PPA1: variants seen among roughly 807,000 people sequenced by gnomAD.
PPA1 encodes inorganic pyrophosphatase.
PPA1 carries 23 observed loss-of-function variants against 41.8 expected under a neutral mutation model. The ratio of observed to expected loss-of-function variants is 0.55; its 90% confidence interval spans 0.40 to 0.78. PPA1 has a LOEUF of 0.78. Ranked by LOEUF, PPA1 falls within the 30% of genes least tolerant of loss-of-function variation. PPA1 has a pLI of 0.00. For missense variants in PPA1, 320 were observed against 361.6 expected, an observed-to-expected ratio of 0.89 and a Z score of 0.93; for synonymous variants, 101 against 116.8, an observed-to-expected ratio of 0.86 and a Z score of 0.87.
intron 4 of PPA1, among the ~76,000 whole-genome samples, chr10:70,215,204 A>G (rs1040489683): frequency 6.6e-6 from 1 of 152,166 alleles, no homozygotes; most frequent in African/African-American, 2.4e-5. Flanking sequence ...CAAAAAAACA[A>G]AACAAAACAA....
In PPA1 at chr10:70,217,864, G is replaced by T. The variant is rs146426252; in HGVS notation, c.245C>A (p.Ala82Glu). ...DVKKGKLRYV[A>E]NLFPYKGYIW... ...ATATCCTTTATACGGGAACAAATTCGCAACATAGCGAAGTTTTCCTTTTTT... is the reference window on the plus strand; with the variant it reads ...ATATCCTTTATACGGGAACAAATTCTCAACATAGCGAAGTTTTCCTTTTTT... Residue 82 changes from alanine to glutamate, a missense_variant, in exon 4 of 11, where the codon GCG (alanine) becomes GAG (glutamate). Physicochemically the swap from Ala to Glu is moderately radical, Grantham distance 107. Transcript: ENST00000373232. 6.2e-7 allele frequency: 1 copy of T among 1,606,112 alleles called. No individual in the cohort carries two copies. The highest frequency in any genetic ancestry group is 1.1e-5 in the South Asian group (1 of 90,068).
chr10:70,208,589 A>G (rs1023154260), intron 8 of PPA1, among the ~76,000 whole-genome samples: 3 of 152,000 alleles, frequency 2.0e-5, no homozygotes, highest in Non-Finnish European at 2.9e-5. Flanking sequence ...TCAGCCTCCT[A>G]AAGTGCTGGA....
chr10:70,230,480 GA>G, intron 1 of PPA1, 81 bp from the exon 2 acceptor site: 1 of 1,367,390 alleles, frequency 7.3e-7, no homozygotes, highest in African/African-American at 1.5e-5. Flanking sequence ...TTTTTTCTGA[GA>G]TAAGGTCCCT....
chr10:70,206,001 T>G, intron 9 of PPA1: 1 of 430,014 alleles, frequency 2.3e-6, no homozygotes. Flanking sequence ...ACTTGGTACA[T>G]TCTGGAACCA....
Position 70,213,494 on chromosome 10 carries a change from A to T in PPA1, c.480T>A (p.Asn160Lys). 6.2e-7 allele frequency: 1 copy of T among 1,614,086 alleles called. No individual in the cohort carries two copies. The highest frequency in any genetic ancestry group is 8.5e-7 in the Non-Finnish European group (1 of 1,179,948). The change falls in exon 6 of 11, where the codon AAT becomes AAA. Residue 160 changes from asparagine to lysine, a missense_variant. Physicochemically the swap from Asn to Lys is moderately conservative, Grantham distance 94. Coordinates refer to ENST00000373232, the MANE Select transcript of PPA1 (RefSeq NM_021129.4). ...AATTGGCTGCATCAGGATCATCCAC[A>T]TTAATGGCAATGACTTTCCAGTCGG... Reference protein sequence around the residue: ...GETDWKVIAINVDDPDAANYN... With the variant: ...GETDWKVIAIKVDDPDAANYN...
chr10:70,205,017 AT>A, intron 9 of PPA1, 102 bp from the exon 10 acceptor site: 1 of 814,632 alleles, frequency 1.2e-6, no homozygotes, highest in Non-Finnish European at 2.0e-6. Context: ...ACTATCCCAA[AT>A]TTTAGGATCT....
At chr10:70,216,394 A>G (rs1219683826) in intron 4 of PPA1, among the ~76,000 whole-genome samples, 3 of 151,922 alleles carry the variant, frequency 2.0e-5, no homozygotes, top group Non-Finnish European at 4.4e-5. Context: ...GGCTGAGACA[A>G]GAGAATCACT....
Position 70,230,364 on chromosome 10 carries a change from CATGAA to C in PPA1, c.95_99del (p.Phe32Ter). 1 of 1,613,138 alleles carries C rather than the reference CATGAA, an allele frequency of 6.2e-7. No individual in the cohort carries two copies. The highest frequency in any genetic ancestry group is 8.5e-7 in the Non-Finnish European group (1 of 1,179,526). On this transcript the variant is annotated frameshift_variant, in exon 2 of 11. Transcript: ENST00000373232. LOFTEE classifies it high-confidence loss of function. ...ACCTTATCTGCATAAATTGGAATAT[CATGAA>C]ATGGAGATATATATTGTCCTTTCTC...
chr10:70,232,783 G>A (rs1190544852), intron 1 of PPA1, among the ~76,000 whole-genome samples: 1 of 152,158 alleles, frequency 6.6e-6, no homozygotes, highest in East Asian at 1.9e-4. Flanking sequence ...AAACGAGGGG[G>A]TGGACTTGGC....
chr10:70,226,374 G>C (rs999281493), intron 2 of PPA1, among the ~76,000 whole-genome samples: 10 of 151,950 alleles, frequency 6.6e-5, no homozygotes, highest in Admixed American at 6.6e-4. Flanking sequence ...AGGAGTTCGA[G>C]ACCAGCGAAA....
Position 70,206,263 on chromosome 10 carries a change from C to CA in PPA1, c.795dup (p.Leu266PhefsTer6), listed in dbSNP as rs1316771692. 1 of 1,607,776 alleles carries CA rather than the reference C, an allele frequency of 6.2e-7. No individual in the cohort carries two copies. Among genetic ancestry groups the CA allele is most frequent in the African/African-American group, 1.3e-5 (1 of 74,790 alleles). On this transcript the variant is annotated frameshift_variant and splice_region_variant. Coordinates refer to ENST00000373232, the MANE Select transcript of PPA1 (RefSeq NM_021129.4). LOFTEE classifies it high-confidence loss of function. ...TTTTTTTTAAGGAAACTTTTACATA[C>CA]AGCATCCACAATGGCTCTGGCAGCA...
At chr10:70,217,009 CAA>C (rs1330351666) in intron 4 of PPA1, among the ~76,000 whole-genome samples, 1 of 151,840 alleles carries the variant, frequency 6.6e-6, no homozygotes, top group African/African-American at 2.4e-5. Flanking sequence ...CACTAAACTG[CAA>C]AAAATTAGGT....
At chr10:70,216,297 C>T (rs1224849169) in intron 4 of PPA1, among the ~76,000 whole-genome samples, 2 of 151,774 alleles carry the variant, frequency 1.3e-5, no homozygotes, top group Admixed American at 6.6e-5. Context: ...ACCAGCCTGG[C>T]CAATACAGTG....
Position 70,209,541 on chromosome 10 carries a change from T to A in PPA1, c.639+17A>T. ...ATACAAATGAGCCTAAAGCTACAGTTCTGAATGACATATTACCTTATCTTT... is the reference window on the plus strand; with the variant it reads ...ATACAAATGAGCCTAAAGCTACAGTACTGAATGACATATTACCTTATCTTT... On this transcript the variant is annotated intron_variant, in intron 7 of 10. Coordinates refer to ENST00000373232, the MANE Select transcript of PPA1 (RefSeq NM_021129.4). 1 of 1,586,728 alleles carries A rather than the reference T, an allele frequency of 6.3e-7. No individual in the cohort carries two copies. The highest frequency in any genetic ancestry group is 1.2e-5 in the South Asian group (1 of 85,804).
In PPA1 at chr10:70,209,225, C is replaced by G. The variant is rs757175798; in HGVS notation, c.705G>C (p.Thr235=). Residue 235 remains threonine, a synonymous_variant, in exon 8 of 11, where the codon ACG becomes ACC. Coordinates refer to ENST00000373232, the MANE Select transcript of PPA1 (RefSeq NM_021129.4). ...DHWKALVTKK[T]NGKGISCMNT... is the part of the protein sequence containing the mutation. Reference sequence around the variant, plus strand: ...CTTACCAACTGATTCCTTTTCCATTCGTTTTCTTAGTCACTAATGCTTTCC... The same window carrying G: ...CTTACCAACTGATTCCTTTTCCATTGGTTTTCTTAGTCACTAATGCTTTCC... 1 of 1,598,764 alleles carries G rather than the reference C, an allele frequency of 6.3e-7. No individual in the cohort carries two copies. The highest frequency in any genetic ancestry group is 8.6e-7 in the Non-Finnish European group (1 of 1,166,316).
In PPA1 at chr10:70,209,232, T is replaced by C; in HGVS notation, c.698A>G (p.Lys233Arg). 3 of 1,603,190 alleles carry C rather than the reference T, an allele frequency of 1.9e-6. No homozygotes were observed. Among genetic ancestry groups the C allele is most frequent in the Non-Finnish European group, 2.6e-6 (3 of 1,170,178 alleles). ...THDHWKALVT[K>R]KTNGKGISCM... Reference sequence around the variant, plus strand: ...ACTGATTCCTTTTCCATTCGTTTTCTTAGTCACTAATGCTTTCCAATGGTC... The same window carrying C: ...ACTGATTCCTTTTCCATTCGTTTTCCTAGTCACTAATGCTTTCCAATGGTC... Residue 233 changes from lysine (K) to arginine (R), a missense_variant, in exon 8 of 11, where the codon AAG becomes AGG. Coordinates refer to ENST00000373232, the MANE Select transcript of PPA1 (RefSeq NM_021129.4).
intron 1 of PPA1, among the ~76,000 whole-genome samples, chr10:70,232,868 G>A (rs773157506): frequency 7.6e-4 from 110 of 144,486 alleles, no homozygotes; most frequent in Non-Finnish European, 1.3e-3. Flanking sequence ...CCCCCGGCCC[G>A]GAGTCGCCTT....
rs1398162516 is a variant in PPA1 at position 70,220,902 on chromosome 10, T to TTC, written c.124-2086_124-2085insGA. 6.6e-3 allele frequency among the ~76,000 whole-genome samples: 72 copies of TTC among 10,988 alleles called. 4 individuals are homozygous for TTC. The highest frequency in any genetic ancestry group is 0.015 in the Admixed American group (7 of 472). The allele number at this position is 10,988 out of a possible 152,430, so 7.2% of individuals were successfully genotyped here. A position where few individuals can be genotyped will look rare whatever the true frequency, so the allele number is the denominator to read the frequency against. ...TACTTTATATATACTATATATATAA[T>TTC]TTATATATAATATATATAATTTTTA... is the stretch of plus-strand genomic sequence containing the variant. On this transcript the variant is annotated intron_variant, in intron 2 of 10. Transcript: ENST00000373232.
chr10:70,218,019 TG>T lies in PPA1; in HGVS notation c.178-89del, dbSNP rs368139841. On this transcript the variant is annotated intron_variant, in intron 3 of 10. Transcript: ENST00000373232. ...CTGAGGAAATGAATTATGGTACCTA[TG>T]TTCCCTAATTCCACTTTAATGATAT... 43 of 1,163,978 alleles carry T rather than the reference TG, an allele frequency of 3.7e-5. 1 individual carries two copies. The highest frequency in any genetic ancestry group is 3.7e-4 in the African/African-American group (24 of 65,128). The allele number at this position is 1,163,978 out of a possible 1,614,324, so 72.1% of individuals were successfully genotyped here.
Sources: gnomAD v4.1 joint callset for allele counts (sites outside exome capture counted in the v4.1 genomes callset) on GRCh38, gnomAD v4.1.1 for gene constraint, MANE v1.5 for transcripts, NCBI Gene and HGNC (gene_info 2026-07-23, HGNC 2026-07-21) for gene names.